Variants in RBFOX1 observed in about 807,000 individuals in gnomAD.
RBFOX1 encodes RNA binding fox-1 homolog 1, also known as RNA binding protein fox-1 homolog 1.
RBFOX1 carries 8 observed loss-of-function variants against 57.7 expected under a neutral mutation model. The ratio of observed to expected loss-of-function variants is 0.14; its 90% CI spans 0.08 to 0.25. RBFOX1 has a LOEUF of 0.25. RBFOX1 is among the 10% of genes least tolerant of loss of function. The pLI is 1.00. For synonymous variants in RBFOX1, 326 were observed against 222.4 expected (o/e 1.47, Z -4.15); for missense variants, 611 against 548.5 (o/e 1.11, Z -1.14).
chr16:6,078,217 C>G (rs970869707), intron 1 of RBFOX1, among the ~76,000 whole-genome samples: 3 of 152,062 alleles, frequency 2.0e-5, no homozygotes, highest in African/African-American at 7.2e-5. Flanking sequence ...AAAGGATTGT[C>G]GTCATTTTTG....
chr16:6,403,779 C>T (rs2093172296), intron 2 of RBFOX1, among the ~76,000 whole-genome samples: 1 of 152,030 alleles, frequency 6.6e-6, no homozygotes, highest in African/African-American at 2.4e-5. Context: ...CAAGTGTGTC[C>T]CTCCAAAATC....
At chr16:5,711,195 C>T (rs1166064221) in intron 3 of RBFOX1, among the ~76,000 whole-genome samples, 3 of 152,178 alleles carry the variant, frequency 2.0e-5, no homozygotes, top group African/African-American at 7.2e-5. Flanking sequence ...CCTGTGCATG[C>T]CATGATTCTA....
intron 5 of RBFOX1, among the ~76,000 whole-genome samples, chr16:7,572,304 G>A (rs552936071): frequency 6.6e-6 from 1 of 152,294 alleles, no homozygotes; most frequent in African/African-American, 2.4e-5. Context: ...GAGACATGAA[G>A]TGAGCAGACT....
rs138392782 is a variant in RBFOX1 at position 5,447,084 on chromosome 16, G to T, written c.220-20132G>T. Among the ~76,000 whole-genome samples, 366 of 152,244 alleles carry T rather than the reference G, an allele frequency of 2.4e-3. 3 individuals carry two copies. Among genetic ancestry groups the T allele is most frequent in the African/African-American group, 8.2e-3 (341 of 41,558 alleles). On this transcript the variant is annotated intron_variant, in intron 1 of 2. Transcript: ENST00000585867. ...CAAACCATCACGATCAACAAAAGAG[G>T]TAATGCTGTGACTACCGCATGAGCC...
At chr16:6,133,070 G>A (rs1291572383) in intron 1 of RBFOX1, among the ~76,000 whole-genome samples, 1 of 151,390 alleles carries the variant, frequency 6.6e-6, no homozygotes, top group Non-Finnish European at 1.5e-5. Flanking sequence ...CTGCCTCAAA[G>A]GATGCAAGTT....
At chr16:6,915,579 C>G (rs929833351) in intron 3 of RBFOX1, among the ~76,000 whole-genome samples, 2 of 123,512 alleles carry the variant, frequency 1.6e-5, no homozygotes, top group Non-Finnish European at 3.2e-5. Flanking sequence ...GACACAGTGT[C>G]TTGCTCTGTC....
At chr16:6,777,851 T>C (rs143628239) in intron 3 of RBFOX1, among the ~76,000 whole-genome samples, 5 of 152,108 alleles carry the variant, frequency 3.3e-5, no homozygotes, top group African/African-American at 1.2e-4. Flanking sequence ...GCACTAAGAG[T>C]ATTCCTCAGA....
At chr16:7,536,525 C>T (rs1384488698) in intron 5 of RBFOX1, among the ~76,000 whole-genome samples, 4 of 152,144 alleles carry the variant, frequency 2.6e-5, no homozygotes, top group Non-Finnish European at 5.9e-5. Context: ...ACTCAGGAGG[C>T]GGAGGTTGCA....
chr16:7,167,975 C>T (rs887328281), intron 4 of RBFOX1, among the ~76,000 whole-genome samples: 3 of 152,138 alleles, frequency 2.0e-5, no homozygotes, highest in African/African-American at 7.2e-5. Flanking sequence ...TTTAACAGCG[C>T]AGAACCACAC....
intron 3 of RBFOX1, among the ~76,000 whole-genome samples, chr16:6,960,742 G>C (rs958163285): frequency 6.6e-6 from 1 of 151,904 alleles, no homozygotes; most frequent in African/African-American, 2.4e-5. Flanking sequence ...ACTGCAAGAG[G>C]GTACAGAACT....
At chr16:7,627,434 A>C (rs1248266992) in intron 10 of RBFOX1, among the ~76,000 whole-genome samples, 1 of 152,294 alleles carries the variant, frequency 6.6e-6, no homozygotes, top group African/African-American at 2.4e-5. Flanking sequence ...CCTAGATTAT[A>C]AGGAATTTGA....
chr16:7,651,511 G>A (rs889387653), intron 11 of RBFOX1, among the ~76,000 whole-genome samples: 3 of 152,146 alleles, frequency 2.0e-5, no homozygotes, highest in African/African-American at 7.2e-5. Context: ...TTTGCCTTTT[G>A]CTCCTTCTGC....
intron 3 of RBFOX1, among the ~76,000 whole-genome samples, chr16:7,038,925 G>A (rs1303511838): frequency 6.6e-6 from 1 of 152,194 alleles, no homozygotes. Context: ...TGGGCATCCT[G>A]ACCTCTGACA....
At chr16:6,263,569 T>C (rs2097714842) in intron 1 of RBFOX1, among the ~76,000 whole-genome samples, 1 of 152,198 alleles carries the variant, frequency 6.6e-6, no homozygotes, top group Non-Finnish European at 1.5e-5. Context: ...GTGGCATATC[T>C]TGTGCCCAAT....
At chr16:6,295,113 T>TG (rs1218820582) in intron 1 of RBFOX1, among the ~76,000 whole-genome samples, 1 of 148,340 alleles carries the variant, frequency 6.7e-6, no homozygotes, top group African/African-American at 2.5e-5. Flanking sequence ...TTTTTTTTTT[T>TG]TTTTTTTTTT....
chr16:6,906,515 C>A (rs545146294), intron 3 of RBFOX1, among the ~76,000 whole-genome samples: 1 of 151,852 alleles, frequency 6.6e-6, no homozygotes, highest in South Asian at 2.1e-4. Context: ...TTTATATAAC[C>A]GCAATCTAAT....
At chr16:7,197,233 G>C (rs9928904) in intron 4 of RBFOX1, among the ~76,000 whole-genome samples, 62,083 of 151,848 alleles carry the variant, frequency 0.41, 13,160 homozygotes, top group Non-Finnish European at 0.47. Flanking sequence ...TTGTCTTTAG[G>C]GATGAAGAAA....
chr16:7,490,689 A>T (rs377212479), intron 4 of RBFOX1, among the ~76,000 whole-genome samples: 4 of 152,328 alleles, frequency 2.6e-5, no homozygotes, highest in Admixed American at 6.5e-5. Context: ...CATAAGTCCA[A>T]GTTCAACTCT....
At chr16:6,666,225 A>G (rs1282223146) in intron 3 of RBFOX1, among the ~76,000 whole-genome samples, 1 of 152,116 alleles carries the variant, frequency 6.6e-6, no homozygotes, top group Non-Finnish European at 1.5e-5. Context: ...ACAGACTAAT[A>G]CAGGAGGAGT....
Sources: gnomAD v4.1 joint callset for allele counts (sites outside exome capture counted in the v4.1 genomes callset) on GRCh38, gnomAD v4.1.1 for gene constraint, MANE v1.5 for transcripts, NCBI Gene and HGNC (gene_info 2026-07-23, HGNC 2026-07-21) for gene names.